Variants in CDH12 observed in about 807,000 individuals in gnomAD.
The protein encoded by CDH12 is cadherin-12.
CDH12 carries 41 observed loss-of-function variants against 74.1 expected under a neutral mutation model. The observed-to-expected ratio is 0.55, with a 90% CI of 0.43 to 0.72. The LOEUF (loss-of-function observed/expected upper bound fraction) is 0.72. Ranked by LOEUF, CDH12 falls within the 30% of genes least tolerant of loss-of-function variation. The probability of loss-of-function intolerance (pLI) is 0.00; values close to 1 mark genes in which losing one functional copy is unlikely to be tolerated. For missense variants in CDH12, 945 were observed against 977.2 expected, an observed-to-expected ratio of 0.97 and a Z score of 0.44; for synonymous variants, 399 against 355.0, an observed-to-expected ratio of 1.12 and a Z score of -1.39.
intron 3 of CDH12, among the ~76,000 whole-genome samples, chr5:22,319,069 C>T (rs1308750558): frequency 1.3e-5 from 2 of 152,076 alleles, no homozygotes; most frequent in Non-Finnish European, 2.9e-5. Flanking sequence ...ATATCACAGC[C>T]AATCTGTGTT....
intron 4 of CDH12, among the ~76,000 whole-genome samples, chr5:22,099,506 C>T (rs1744009469): frequency 6.6e-6 from 1 of 152,192 alleles, no homozygotes; most frequent in Non-Finnish European, 1.5e-5. Flanking sequence ...TATGGACACT[C>T]CTTTTTATTA....
chr5:22,042,110 A>G (rs1428493129), intron 5 of CDH12, among the ~76,000 whole-genome samples: 2 of 152,178 alleles, frequency 1.3e-5, no homozygotes, highest in African/African-American at 4.8e-5. Context: ...GAGACAAATG[A>G]AAATGGAACG....
At chr5:22,396,182 T>C (rs961946483) in intron 3 of CDH12, among the ~76,000 whole-genome samples, 2 of 152,066 alleles carry the variant, frequency 1.3e-5, no homozygotes, top group Non-Finnish European at 2.9e-5. Flanking sequence ...ATAAGAACCA[T>C]GTAAATATTA....
intron 5 of CDH12, among the ~76,000 whole-genome samples, chr5:22,009,436 T>C (rs1002838249): frequency 1.3e-5 from 2 of 152,106 alleles, no homozygotes; most frequent in African/African-American, 2.4e-5. Flanking sequence ...TCTGGCACCT[T>C]CCCATTGATC....
intron 2 of CDH12, among the ~76,000 whole-genome samples, chr5:22,474,937 C>T (rs1746107635): frequency 1.3e-5 from 2 of 151,878 alleles, no homozygotes; most frequent in African/African-American, 4.8e-5. Context: ...TTCTATTCTC[C>T]TATTTTTGAC....
At chr5:21,864,145 G>GTT (rs1392437052) in intron 6 of CDH12, among the ~76,000 whole-genome samples, 1 of 151,942 alleles carries the variant, frequency 6.6e-6, no homozygotes, top group Non-Finnish European at 1.5e-5. Context: ...GTGTGTGTGT[G>GTT]TGTGTGCATG....
At chr5:22,169,981 G>A (rs1240301578) in intron 4 of CDH12, among the ~76,000 whole-genome samples, 1 of 151,712 alleles carries the variant, frequency 6.6e-6, no homozygotes, top group African/African-American at 2.4e-5. Flanking sequence ...TAACTTTACT[G>A]CTTATTAAAA....
At chr5:22,541,107 G>A (rs1738079550) in intron 1 of CDH12, among the ~76,000 whole-genome samples, 1 of 152,178 alleles carries the variant, frequency 6.6e-6, no homozygotes, top group Non-Finnish European at 1.5e-5. Flanking sequence ...TAAGTTCTAT[G>A]TAAGAGTCAT....
At chr5:22,845,660 T>TTA (rs1323480201) in intron 1 of CDH12, among the ~76,000 whole-genome samples, 1 of 152,080 alleles carries the variant, frequency 6.6e-6, no homozygotes, top group East Asian at 1.9e-4. Flanking sequence ...TTAGAGAACA[T>TTA]CACTCTGATG....
chr5:22,502,431 G>A (rs1482152818), intron 2 of CDH12, among the ~76,000 whole-genome samples: 1 of 152,008 alleles, frequency 6.6e-6, no homozygotes, highest in Non-Finnish European at 1.5e-5. Context: ...CCAGTCTCAG[G>A]TACGTCTTTA....
At chr5:22,211,207 A>T in intron 4 of CDH12, among the ~76,000 whole-genome samples, 1 of 152,144 alleles carries the variant, frequency 6.6e-6, no homozygotes. Flanking sequence ...CACTTCAGGA[A>T]ATACGAGTGC....
intron 5 of CDH12, among the ~76,000 whole-genome samples, chr5:22,074,377 T>C (rs955045607): frequency 5.9e-5 from 9 of 151,884 alleles, no homozygotes; most frequent in Non-Finnish European, 1.2e-4. Flanking sequence ...AAAACCTAGG[T>C]AATACAATTC....
At chr5:21,862,096 T>C (rs1353453327) in intron 6 of CDH12, among the ~76,000 whole-genome samples, 1 of 152,086 alleles carries the variant, frequency 6.6e-6, no homozygotes, top group East Asian at 1.9e-4. Context: ...ATGTGTGGTA[T>C]ATACACCTTA....
chr5:21,907,036 C>T (rs555939099), intron 6 of CDH12, among the ~76,000 whole-genome samples: 4 of 152,216 alleles, frequency 2.6e-5, no homozygotes, highest in South Asian at 4.1e-4. Context: ...TGCGCTAAAC[C>T]GGCTGTTACA....
intron 8 of CDH12, among the ~76,000 whole-genome samples, chr5:21,827,206 T>C (rs779069236): frequency 6.6e-6 from 1 of 152,150 alleles, no homozygotes; most frequent in South Asian, 2.1e-4. Context: ...TGCCTGAAAG[T>C]CAACCAAATA....
chr5:22,398,877 T>C (rs1742582892), intron 3 of CDH12, among the ~76,000 whole-genome samples: 1 of 152,078 alleles, frequency 6.6e-6, no homozygotes, highest in Non-Finnish European at 1.5e-5. Flanking sequence ...TTAAAATTCA[T>C]AATTTTGGAG....
chr5:22,533,144 T>C (rs1737669229), intron 1 of CDH12, among the ~76,000 whole-genome samples: 1 of 152,142 alleles, frequency 6.6e-6, no homozygotes, highest in African/African-American at 2.4e-5. Context: ...CCTGTATCAG[T>C]GGTTCTCAAC....
At chr5:22,458,415 T>C (rs1439585772) in intron 2 of CDH12, among the ~76,000 whole-genome samples, 2 of 152,172 alleles carry the variant, frequency 1.3e-5, no homozygotes, top group Non-Finnish European at 2.9e-5. Context: ...TAAGGCCATA[T>C]TCATAGGTAC....
At chr5:21,824,759 C>A (rs1748564977) in intron 8 of CDH12, among the ~76,000 whole-genome samples, 1 of 152,132 alleles carries the variant, frequency 6.6e-6, no homozygotes, top group African/African-American at 2.4e-5. Flanking sequence ...TCCTACCACT[C>A]ACTTTTAGTA....
Sources: allele counts gnomAD v4.1 joint callset (sites outside exome capture counted in the v4.1 genomes callset), GRCh38; gene constraint gnomAD v4.1.1; transcripts MANE v1.5; gene names NCBI Gene and HGNC (gene_info 2026-07-23, HGNC 2026-07-21).